MASP1: variants seen among roughly 807,000 people sequenced by gnomAD.
The protein encoded by MASP1 is mannan-binding lectin serine protease 1.
Under a neutral mutation model 77.1 loss-of-function variants are expected in MASP1, and 59 were observed. That is an observed-to-expected ratio of 0.77 (90% CI 0.62 to 0.95). MASP1 has a LOEUF of 0.95. Among genes scored for constraint, MASP1 ranks in the 40% least tolerant of loss-of-function variants. The probability of loss-of-function intolerance (pLI) is 0.00; values close to 1 mark genes in which losing one functional copy is unlikely to be tolerated. For missense variants in MASP1, 885 were observed against 912.9 expected (o/e 0.97, Z 0.39); for synonymous variants, 362 against 354.5 (o/e 1.02, Z -0.24).
chr3:187,287,431 C>T (rs1303946662), intron 1 of MASP1, among the ~76,000 whole-genome samples: 1 of 152,240 alleles, frequency 6.6e-6, no homozygotes, highest in Admixed American at 6.5e-5. Context: ...CAAGCCACTG[C>T]TCCCTGCACA....
chr3:187,225,473 T>A (rs747306473), exon 13 of MASP1: 2 of 1,614,158 alleles, frequency 1.2e-6, no homozygotes, highest in Non-Finnish European at 1.7e-6. Context: ...GCCGAGATGC[T>A]GTTCATTTTC....
intron 5 of MASP1, among the ~76,000 whole-genome samples, chr3:187,253,689 G>A (rs1714824871): frequency 6.6e-6 from 1 of 152,114 alleles, no homozygotes; most frequent in Admixed American, 6.5e-5. Flanking sequence ...TCCTTTGCAG[G>A]GACATGGATG....
rs565460255 is a variant in MASP1 at position 187,245,046 on chromosome 3, C to T, written c.1091-1425G>A. 3 of 152,294 alleles carry T rather than the reference C, an allele frequency of 2.0e-5. No individual in the cohort carries two copies. In the South Asian group the frequency reaches 6.2e-4, roughly 32 times the overall value. The allele number at this position is 152,294 out of a possible 1,614,324, so 9.4% of individuals were successfully genotyped here. Reference sequence around the variant, plus strand: ...AGGTACTTCTTATCCACTAAGAAGGCCAATCAAGACAACTGGTTTTGTCCT... The same window carrying T: ...AGGTACTTCTTATCCACTAAGAAGGTCAATCAAGACAACTGGTTTTGTCCT... On this transcript the variant is annotated intron_variant, in intron 8 of 10. Transcript: ENST00000296280.
chr3:187,253,422 T>C, intron 5 of MASP1, 107 bp from the exon 6 acceptor site: 1 of 1,137,210 alleles, frequency 8.8e-7, no homozygotes, highest in Non-Finnish European at 1.3e-6. Flanking sequence ...TTCTGGAAGC[T>C]TCCATATGAA....
At chr3:187,289,626 T>G (rs1718146340) in intron 1 of MASP1, among the ~76,000 whole-genome samples, 1 of 152,230 alleles carries the variant, frequency 6.6e-6, no homozygotes, top group Non-Finnish European at 1.5e-5. Flanking sequence ...TTAATTGCTC[T>G]GGGGTGAGGC....
rs186881900 is a variant in MASP1, at chr3:187,271,078, C to A, written c.238-8358G>T. On this transcript the variant is annotated intron_variant, in intron 2 of 10. Coordinates refer to ENST00000296280, the MANE Select transcript of MASP1 (RefSeq NM_139125.4). ...AAAGTGATTTGGGACAAAGAATAGG[C>A]TCACGTTTGTAAATTGAAATTTGGA... Among the ~76,000 whole-genome samples, 250 of 152,330 alleles carry A rather than the reference C, an allele frequency of 1.6e-3. 1 individual carries two copies. Among genetic ancestry groups the A allele is most frequent in the Non-Finnish European group, 1.2e-3 (83 of 68,028 alleles).
exon 16 of MASP1, chr3:187,219,859 CT>C: frequency 1.7e-6 from 1 of 598,730 alleles, no homozygotes; most frequent in South Asian, 1.9e-5. Context: ...GTGATAGAGC[CT>C]GGATTCGGCC....
chr3:187,227,872 A>G (rs1712528360), intron 11 of MASP1, among the ~76,000 whole-genome samples: 1 of 152,064 alleles, frequency 6.6e-6, no homozygotes, highest in Admixed American at 6.5e-5. Flanking sequence ...CCCTCTACCC[A>G]GGTGTCAGTG....
At chr3:187,288,188 A>G (rs979495679) in intron 1 of MASP1, among the ~76,000 whole-genome samples, 1 of 152,240 alleles carries the variant, frequency 6.6e-6, no homozygotes, top group Non-Finnish European at 1.5e-5. Context: ...TCTTAATCCC[A>G]TAGCCAATGT....
At chr3:187,246,360 T>C (rs1280795143) in intron 8 of MASP1, 1 of 984,832 alleles carries the variant, frequency 1.0e-6, no homozygotes, top group Non-Finnish European at 1.2e-6. Flanking sequence ...TAATACGTTG[T>C]AGGTTTAAAG....
At chr3:187,243,141 C>G in intron 9 of MASP1, 1 of 348,466 alleles carries the variant, frequency 2.9e-6, no homozygotes, top group South Asian at 2.5e-5. Flanking sequence ...TTGGGGGATT[C>G]CAGGCTTCCT....
chr3:187,227,457 A>T (rs189831475), intron 11 of MASP1, among the ~76,000 whole-genome samples: 1 of 152,270 alleles, frequency 6.6e-6, no homozygotes, highest in Non-Finnish European at 1.5e-5. Context: ...GCAGATGACA[A>T]GCCCATAAGT....
intron 2 of MASP1, among the ~76,000 whole-genome samples, chr3:187,277,196 G>A (rs1299057181): frequency 6.6e-6 from 1 of 152,152 alleles, no homozygotes; most frequent in Non-Finnish European, 1.5e-5. Context: ...GCAGGAGTCA[G>A]CAGCTGTTTT....
chr3:187,268,978 T>C (rs1257498646), intron 2 of MASP1, among the ~76,000 whole-genome samples: 5 of 151,730 alleles, frequency 3.3e-5, no homozygotes, highest in Admixed American at 3.3e-4. Context: ...GGCAGAGGAA[T>C]TGCTTGAACC....
chr3:187,243,926 C>T (rs1172199046), intron 8 of MASP1: 7 of 419,464 alleles, frequency 1.7e-5, no homozygotes, highest in Non-Finnish European at 2.6e-5. Context: ...GTCTTTTACC[C>T]ACCAGGGCCT....
chr3:187,243,045 G>A (rs1001786276), intron 9 of MASP1: 2 of 290,078 alleles, frequency 6.9e-6, no homozygotes, highest in Non-Finnish European at 1.3e-5. Context: ...TCACCCAGAA[G>A]CCAAGGCAGA....
intron 15 of MASP1, among the ~76,000 whole-genome samples, chr3:187,220,778 A>G (rs142345100): frequency 1.3e-5 from 2 of 152,190 alleles, no homozygotes; most frequent in South Asian, 2.1e-4. Context: ...GATTACAGGC[A>G]TGAACCACCG....
At chr3:187,269,635 C>T (rs143157561) in intron 2 of MASP1, among the ~76,000 whole-genome samples, 2 of 152,190 alleles carry the variant, frequency 1.3e-5, no homozygotes, top group African/African-American at 4.8e-5. Context: ...GGGCTCTAAT[C>T]AAGGAACATT....
Position 187,235,793 on chromosome 3 carries a change from C to T in MASP1, c.2078G>A (p.Gly693Asp). ...GTAGACTCCATAGACCTGCTTGCTG[C>T]CGCATTCTTCAGGTCCCCCCCAGGA... ...LVSWGGPEEC[G>D]SKQVYGVYTK... The change falls in exon 11 of 11, where the codon GGC becomes GAC. Residue 693 changes from glycine to aspartate, a missense_variant. By Grantham distance (94) the Gly-to-Asp change is moderately conservative (BLOSUM62 -1). Transcript: ENST00000296280. 1 of 1,614,096 alleles carries T rather than the reference C, an allele frequency of 6.2e-7. No individual in the cohort carries two copies. Among genetic ancestry groups the T allele is most frequent in the Non-Finnish European group, 8.5e-7 (1 of 1,180,006 alleles).
Sources: allele counts gnomAD v4.1 joint callset (sites outside exome capture counted in the v4.1 genomes callset), GRCh38; gene constraint gnomAD v4.1.1; transcripts MANE v1.5; gene names NCBI Gene and HGNC (gene_info 2026-07-23, HGNC 2026-07-21).